PTPRG: variants seen among roughly 807,000 people sequenced by gnomAD.
PTPRG encodes the protein protein tyrosine phosphatase receptor type G.
A neutral mutation model predicts 165.3 loss-of-function variants in PTPRG; 102 were observed. That is an observed-to-expected ratio of 0.62 (90% CI 0.53 to 0.73). The LOEUF (loss-of-function observed/expected upper bound fraction) is 0.73. Among genes scored for constraint, PTPRG ranks in the 30% least tolerant of loss-of-function variants. PTPRG has a pLI of 0.00. For missense variants in PTPRG, 1,866 were observed against 1,861.4 expected, an observed-to-expected ratio of 1.00 and a Z score of -0.05; for synonymous variants, 675 against 669.5, an observed-to-expected ratio of 1.01 and a Z score of -0.13.
chr3:61,601,846 C>T (rs1306940038), intron 1 of PTPRG, among the ~76,000 whole-genome samples: 1 of 152,144 alleles, frequency 6.6e-6, no homozygotes, highest in Non-Finnish European at 1.5e-5. Context: ...AAATAGACCT[C>T]ATTGGAAGAA....
At chr3:62,276,726 G>A (rs545545404) in intron 24 of PTPRG, 59 of 491,664 alleles carry the variant, frequency 1.2e-4, no homozygotes, top group East Asian at 7.9e-4. Context: ...TTGATCTGCT[G>A]TAAAAATCTC....
chr3:62,287,105 A>G (rs995815136), intron 28 of PTPRG, among the ~76,000 whole-genome samples: 2 of 152,164 alleles, frequency 1.3e-5, no homozygotes, highest in South Asian at 2.1e-4. Flanking sequence ...GAGTGCATGC[A>G]TACTCCGTAA....
chr3:61,964,932 T>A (rs804411), intron 2 of PTPRG, among the ~76,000 whole-genome samples: 76,529 of 151,972 alleles, frequency 0.5, 20,908 homozygotes, highest in East Asian at 0.73. Context: ...ATCAAAATGA[T>A]ATAATTTTGT....
In PTPRG at chr3:61,989,836, G is replaced by A. The variant is rs753558523; in HGVS notation, c.370+32G>A. ...AATGGCTTCTTTATTTGTCCACAGA[G>A]CAACAGGAACTATTTTTGGATGTCT... On this transcript the variant is annotated intron_variant, in intron 3 of 29. Transcript: ENST00000474889. 8 of 1,608,338 alleles carry A rather than the reference G, an allele frequency of 5.0e-6. No homozygotes were observed. The South Asian group carries it at 7.7e-5, about 16-fold the overall frequency.
intron 4 of PTPRG, among the ~76,000 whole-genome samples, chr3:62,050,513 G>A (rs1298050930): frequency 6.6e-6 from 1 of 152,216 alleles, no homozygotes; most frequent in African/African-American, 2.4e-5. Flanking sequence ...GTTGTTAAGT[G>A]ACACTTGACT....
intron 1 of PTPRG, among the ~76,000 whole-genome samples, chr3:61,615,424 T>G (rs1476911062): frequency 6.6e-6 from 1 of 152,230 alleles, no homozygotes; most frequent in Non-Finnish European, 1.5e-5. Flanking sequence ...AGGTTATGCG[T>G]TGGGACAGAA....
chr3:62,085,392 T>C (rs1701719791), intron 5 of PTPRG, among the ~76,000 whole-genome samples: 1 of 152,138 alleles, frequency 6.6e-6, no homozygotes, highest in Non-Finnish European at 1.5e-5. Flanking sequence ...GGATCAAACA[T>C]GTTAAAGGGA....
chr3:61,840,782 G>GTT (rs149041037), intron 2 of PTPRG, among the ~76,000 whole-genome samples: 11,272 of 119,768 alleles, frequency 0.094, 850 homozygotes, highest in East Asian at 0.17. Flanking sequence ...TTGTTTGTTT[G>GTT]TTTTTTTTTT....
intron 1 of PTPRG, among the ~76,000 whole-genome samples, chr3:61,574,610 T>A (rs537966681): frequency 1.3e-5 from 2 of 152,322 alleles, no homozygotes; most frequent in South Asian, 4.1e-4. Context: ...CTGAAATTAT[T>A]TCATGTGATA....
intron 4 of PTPRG, among the ~76,000 whole-genome samples, chr3:62,066,127 T>C (rs1034458139): frequency 2.7e-5 from 2 of 73,378 alleles, no homozygotes; most frequent in Non-Finnish European, 3.1e-5. Flanking sequence ...TACAACCAAC[T>C]AGATCTACAC....
Position 62,190,078 on chromosome 3 carries a change from G to A in PTPRG, c.1034-1391G>A, listed in dbSNP as rs142161414. Among the ~76,000 whole-genome samples the A allele has an allele frequency of 4.1e-3, 620 of 152,220 alleles. 2 individuals are homozygous for A. The highest frequency in any genetic ancestry group is 0.011 in the Admixed American group (172 of 15,292). The stretch of plus-strand genomic sequence containing the variant: ...TCCTCTCCCTCCATCCTGTCCTGGC[G>A]TGCAGTGATGGCTCTGCGCATGGGA... On this transcript the variant is annotated intron_variant, in intron 8 of 29. Transcript: ENST00000474889. This position sits in a 1 kb window ranked among gnomAD's most constrained non-coding sequence, Gnocchi z 5.2.
At chr3:61,910,543 A>T (rs1369871443) in intron 2 of PTPRG, among the ~76,000 whole-genome samples, 1 of 152,036 alleles carries the variant, frequency 6.6e-6, no homozygotes, top group East Asian at 1.9e-4. Flanking sequence ...TGCCTGTTCC[A>T]ATTTGTTCCT....
In PTPRG at chr3:61,563,376, TC is replaced by T. The variant is rs1311216294; in HGVS notation, c.85+1006del. 3.9e-5 allele frequency among the ~76,000 whole-genome samples: 6 copies of T among 152,140 alleles called. No individual in the cohort carries two copies. The East Asian group carries it at 9.8e-4, about 25-fold the overall frequency. On this transcript the variant is annotated intron_variant, in intron 1 of 29. Transcript: ENST00000474889. The stretch of plus-strand genomic sequence containing the variant: ...GTGTGCGGCTCGGCGACCCTCCACT[TC>T]CAGCTCTCAGCTGGCAGTTCCCCCT...
rs1702242286 is a variant in PTPRG at position 62,276,699 on chromosome 3, T to C, written c.3560-273T>C. On this transcript the variant is annotated intron_variant, in intron 24 of 29. Coordinates refer to ENST00000474889, the MANE Select transcript of PTPRG (RefSeq NM_002841.4). ...TATCTAAAATCCTCTGTTGTGTCCA[T>C]ATAAAGTATTCTGTTATTGATCTGC... The C allele has an allele frequency of 1.2e-5, 5 of 428,346 alleles. No individual in the cohort carries two copies. In the Admixed American group the frequency reaches 1.6e-4, roughly 14 times the overall value. The allele number at this position is 428,346 out of a possible 1,614,324, so 26.5% of individuals were successfully genotyped here.
At chr3:61,579,201 T>C (rs1303318649) in intron 1 of PTPRG, among the ~76,000 whole-genome samples, 2 of 152,212 alleles carry the variant, frequency 1.3e-5, no homozygotes, top group Non-Finnish European at 2.9e-5. Flanking sequence ...GGCCAAGTTA[T>C]CTCTTGCTAC....
chr3:62,059,249 G>A (rs1700728311), intron 4 of PTPRG, among the ~76,000 whole-genome samples: 1 of 152,148 alleles, frequency 6.6e-6, no homozygotes, highest in African/African-American at 2.4e-5. Context: ...TCCTTCATAA[G>A]TGGAACTCAC....
chr3:61,859,552 C>T (rs375578719), intron 2 of PTPRG, among the ~76,000 whole-genome samples: 1 of 151,744 alleles, frequency 6.6e-6, no homozygotes, highest in East Asian at 1.9e-4. Flanking sequence ...TCTATGAGCC[C>T]CCAGGACAAT....
chr3:61,796,719 G>A (rs1377617464), intron 2 of PTPRG, among the ~76,000 whole-genome samples: 1 of 152,190 alleles, frequency 6.6e-6, no homozygotes, highest in Non-Finnish European at 1.5e-5. Context: ...TGATTCTTAA[G>A]TGTGGCCTCT....
At chr3:61,795,852 G>T (rs1427948116) in intron 2 of PTPRG, among the ~76,000 whole-genome samples, 8 of 152,060 alleles carry the variant, frequency 5.3e-5, no homozygotes, top group African/African-American at 1.9e-4. Context: ...CCTTTGCATA[G>T]TAAAAGTTCG....
Sources: allele counts gnomAD v4.1 joint callset (sites outside exome capture counted in the v4.1 genomes callset), GRCh38; gene constraint gnomAD v4.1.1; non-coding constraint Gnocchi (gnomAD v3.1); transcripts MANE v1.5; gene names NCBI Gene and HGNC (gene_info 2026-07-23, HGNC 2026-07-21).